The following PTP4A3 variants were observed in gnomAD, a reference collection of about 807,000 sequenced individuals.
The protein encoded by PTP4A3 is protein tyrosine phosphatase type IVA 3.
A neutral mutation model predicts 15.2 loss-of-function variants in PTP4A3; 9 were observed. The ratio of observed to expected loss-of-function variants is 0.59; its 90% CI spans 0.36 to 1.03. PTP4A3 has a LOEUF of 1.03. Ranked by LOEUF, PTP4A3 falls within the 50% of genes least tolerant of loss-of-function variation. The pLI is 0.02. For missense variants in PTP4A3, 234 were observed against 252.1 expected, an observed-to-expected ratio of 0.93 and a Z score of 0.49; for synonymous variants, 95 against 102.0, an observed-to-expected ratio of 0.93 and a Z score of 0.41.
intron 2 of PTP4A3, among the ~76,000 whole-genome samples, chr8:141,423,989 T>A (rs1375104674): frequency 6.6e-6 from 1 of 151,730 alleles, no homozygotes; most frequent in African/African-American, 2.4e-5. Flanking sequence ...GTGACCAGGA[T>A]CAGGGCTCAG....
chr8:141,427,674 A>G (rs1462438905), intron 4 of PTP4A3, 76 bp from the exon 5 acceptor site: 2 of 1,338,024 alleles, frequency 1.5e-6, no homozygotes, highest in South Asian at 1.3e-5. Flanking sequence ...CGTGCCCTGC[A>G]TCTTCAGCAG....
chr8:141,428,874 A>G (rs1290487693), intron 5 of PTP4A3, among the ~76,000 whole-genome samples: 3 of 152,230 alleles, frequency 2.0e-5, no homozygotes, highest in Admixed American at 2.0e-4. Flanking sequence ...ATGGACACAC[A>G]TGGATGCACT....
At chr8:141,429,628 A>G (rs1370342857) in intron 5 of PTP4A3, among the ~76,000 whole-genome samples, 1 of 148,520 alleles carries the variant, frequency 6.7e-6, no homozygotes, top group East Asian at 2.0e-4. Flanking sequence ...TCCCCGCTGT[A>G]AGGACCAGGT....
intron 1 of PTP4A3, among the ~76,000 whole-genome samples, chr8:141,415,472 C>T (rs927687660): frequency 1.3e-5 from 2 of 150,256 alleles, no homozygotes; most frequent in East Asian, 2.0e-4. Context: ...TGGCCGGGAC[C>T]AGGGTGCCCG....
At chr8:141,403,147 G>A (rs1832637688) in intron 1 of PTP4A3, among the ~76,000 whole-genome samples, 1 of 152,202 alleles carries the variant, frequency 6.6e-6, no homozygotes, top group African/African-American at 2.4e-5. Flanking sequence ...CCAACCCCAG[G>A]ATGAGCCCCA....
chr8:141,397,806 A>G (rs1347953841), intron 1 of PTP4A3, among the ~76,000 whole-genome samples: 1 of 152,218 alleles, frequency 6.6e-6, no homozygotes, highest in Non-Finnish European at 1.5e-5. Context: ...AATGTTTTGC[A>G]GAAATTGGAC....
In PTP4A3 at chr8:141,430,216, C is replaced by T. The variant is rs562297094; in HGVS notation, c.405-711C>T. Among the ~76,000 whole-genome samples, 755 of 146,460 alleles carry T rather than the reference C, an allele frequency of 5.2e-3. 3 individuals carry two copies. The highest frequency in any genetic ancestry group is 6.4e-3 in the Non-Finnish European group (422 of 66,424). The stretch of plus-strand genomic sequence containing the variant: ...GACCAGGTGGCGGGGACAGGGTGAG[C>T]GCATAGCCCAGGTCCCCGCTGTAAG... On this transcript the variant is annotated intron_variant, in intron 5 of 5. Transcript: ENST00000521578.
chr8:141,403,157 A>G (rs1387880146), intron 1 of PTP4A3, among the ~76,000 whole-genome samples: 1 of 152,228 alleles, frequency 6.6e-6, no homozygotes, highest in African/African-American at 2.4e-5. Context: ...GATGAGCCCC[A>G]TCAGCCTCTC....
chr8:141,426,863 T>C (rs932218785), intron 3 of PTP4A3, 76 bp from the exon 4 acceptor site: 2 of 1,540,428 alleles, frequency 1.3e-6, no homozygotes, highest in African/African-American at 2.7e-5. Context: ...CAGAGCTCCC[T>C]TTCCTCGCCT....
chr8:141,422,420 C>T (rs879787096), intron 2 of PTP4A3, 75 bp downstream of exon 2: 45 of 1,525,398 alleles, frequency 3.0e-5, no homozygotes, highest in Non-Finnish European at 3.7e-5. Flanking sequence ...CCTCAGGCCT[C>T]GCAAGAGGGG....
At position 141,425,738 on chromosome 8, in the gene PTP4A3, A is replaced by C. The variant is rs867579288; in HGVS notation, c.198+598A>C. Reference sequence around the variant, plus strand: ...GCCTGCCCAGCTGCGCCTGGGCCTCAGTCTCCTCAGTGCGGAGCACCCCTC... The same window carrying C: ...GCCTGCCCAGCTGCGCCTGGGCCTCCGTCTCCTCAGTGCGGAGCACCCCTC... On this transcript the variant is annotated intron_variant, in intron 3 of 5. Coordinates refer to ENST00000521578, the MANE Select transcript of PTP4A3 (RefSeq NM_032611.3). This position sits in a 1 kb window ranked among gnomAD's most constrained non-coding sequence, Gnocchi z 4.2. 7.2e-5 allele frequency among the ~76,000 whole-genome samples: 11 copies of C among 152,176 alleles called. No individual in the cohort carries two copies. The highest frequency in any genetic ancestry group is 3.2e-3 in the Middle Eastern group (1 of 316).
chr8:141,393,131 C>G (rs1832339572), intron 1 of PTP4A3, among the ~76,000 whole-genome samples: 1 of 152,186 alleles, frequency 6.6e-6, no homozygotes, highest in African/African-American at 2.4e-5. Context: ...CAGCCCTGTG[C>G]AGAGCCGTGC....
Position 141,431,014 on chromosome 8 carries a change from C to T in PTP4A3, c.492C>T (p.His164=), listed in dbSNP as rs146888819. 2 of 1,613,320 alleles carry T rather than the reference C, an allele frequency of 1.2e-6. No homozygotes were observed. Among genetic ancestry groups the T allele is most frequent in the Non-Finnish European group, 1.7e-6 (2 of 1,179,970 alleles). ...AGAGGCTGCGGTTCAAAGACCCACA[C>T]ACGCACAAGACCCGGTGCTGCGTTA... ...PKQRLRFKDP[H]THKTRCCVM Residue 164 remains histidine, a synonymous_variant, in exon 6 of 6, where the codon CAC becomes CAT. Coordinates refer to ENST00000521578, the MANE Select transcript of PTP4A3 (RefSeq NM_032611.3).
In PTP4A3 at chr8:141,425,024, C is replaced by G; in HGVS notation, c.106-24C>G. 1 of 1,595,092 alleles carries G rather than the reference C, an allele frequency of 6.3e-7. No homozygotes were observed. The highest frequency in any genetic ancestry group is 8.6e-7 in the Non-Finnish European group (1 of 1,164,806). On this transcript the variant is annotated intron_variant, in intron 2 of 5. Coordinates refer to ENST00000521578, the MANE Select transcript of PTP4A3 (RefSeq NM_032611.3). This position sits in a 1 kb window ranked among gnomAD's most constrained non-coding sequence, Gnocchi z 4.2. ...GCCCTGCAGCCCCAGCCCAGCCCTG[C>G]CTCCTCCGTCCTCCCACCCCCAGGA...
Position 141,406,613 on chromosome 8 carries a change from C to T in PTP4A3, c.-854+14529C>T, listed in dbSNP as rs536645721. ...TGTGACCCCAGTGTTTGTGATCAAA[C>T]GGGGCCCAGACTCATTGACATCCTG... On this transcript the variant is annotated intron_variant, in intron 1 of 5. Coordinates refer to ENST00000521578, the MANE Select transcript of PTP4A3 (RefSeq NM_032611.3). This position sits in a 1 kb window ranked among gnomAD's most constrained non-coding sequence, Gnocchi z 4.5. Among the ~76,000 whole-genome samples the T allele has an allele frequency of 1.5e-4, 23 of 152,302 alleles. No homozygotes were observed. The South Asian group carries it at 1.7e-3, about 11-fold the overall frequency.
At chr8:141,414,348 T>C (rs1262814698) in intron 1 of PTP4A3, among the ~76,000 whole-genome samples, 1 of 149,194 alleles carries the variant, frequency 6.7e-6, no homozygotes, top group Non-Finnish European at 1.5e-5. Flanking sequence ...AGTGTGGCCC[T>C]AGGGTCTGGG....
chr8:141,401,454 C>G (rs1224006850), intron 1 of PTP4A3, among the ~76,000 whole-genome samples: 13 of 152,240 alleles, frequency 8.5e-5, no homozygotes, highest in African/African-American at 3.1e-4. Context: ...GGTGTGACGT[C>G]CCCCCGGCCA....
chr8:141,411,938 C>T (rs1832881587), intron 1 of PTP4A3, among the ~76,000 whole-genome samples: 1 of 152,240 alleles, frequency 6.6e-6, no homozygotes, highest in Non-Finnish European at 1.5e-5. Context: ...GCTGACTGCA[C>T]AGCCTGAGCC....
In PTP4A3 at chr8:141,430,932, G is replaced by T; in HGVS notation, c.410G>T (p.Arg137Leu). 6.2e-7 allele frequency: 1 copy of T among 1,613,168 alleles called. No homozygotes were observed. The highest frequency in any genetic ancestry group is 8.5e-7 in the Non-Finnish European group (1 of 1,179,936). Residue 137 changes from arginine to leucine, a missense_variant, in exon 6 of 6, where the codon CGC becomes CTC. Arg to Leu is a moderately radical substitution (Grantham distance 102). Coordinates refer to ENST00000521578, the MANE Select transcript of PTP4A3 (RefSeq NM_032611.3). ...TCCTGTTCCCCTCTTCCCAGGAAGC[G>T]CCGCGGAGCCATCAACAGCAAGCAG... is the stretch of plus-strand genomic sequence containing the variant. Reference protein sequence around the residue: ...EDAIQFIRQKRRGAINSKQLT... With the variant: ...EDAIQFIRQKLRGAINSKQLT...
Sources: gnomAD v4.1 joint callset for allele counts (sites outside exome capture counted in the v4.1 genomes callset) on GRCh38, gnomAD v4.1.1 for gene constraint, Gnocchi (gnomAD v3.1) non-coding constraint, MANE v1.5 for transcripts, NCBI Gene and HGNC (gene_info 2026-07-23, HGNC 2026-07-21) for gene names.